NCKAP5: variants seen among roughly 807,000 people sequenced by gnomAD.
The protein encoded by NCKAP5 is nck-associated protein 5.
In NCKAP5, 92 loss-of-function variants were observed where a neutral mutation model predicts 167.0. That is an observed-to-expected ratio of 0.55 (90% CI 0.47 to 0.66). NCKAP5 has a LOEUF of 0.66. NCKAP5 is among the 30% of genes least tolerant of loss of function. The pLI, the probability that NCKAP5 is intolerant of heterozygous loss-of-function variation, is 0.00. For synonymous variants in NCKAP5, 891 were observed against 877.4 expected (o/e 1.02, Z -0.27); for missense variants, 2,378 against 2,315.0 (o/e 1.03, Z -0.56).
chr2:133,453,905 A>G (rs1246304340), intron 3 of NCKAP5, among the ~76,000 whole-genome samples: 1 of 152,000 alleles, frequency 6.6e-6, no homozygotes, highest in South Asian at 2.1e-4. Context: ...TCCAGTTTTG[A>G]GCCCCCCCAC....
At chr2:133,622,900 T>C in the NCKAP5 span, among the ~76,000 whole-genome samples, 1 of 152,110 alleles carries the variant, frequency 6.6e-6, no homozygotes, top group Admixed American at 6.6e-5. Flanking sequence ...CAACTTCAAC[T>C]ATACTATAAG....
chr2:133,480,931 C>T (rs937615975), intron 3 of NCKAP5, among the ~76,000 whole-genome samples: 7 of 152,184 alleles, frequency 4.6e-5, no homozygotes, highest in South Asian at 2.1e-4. Context: ...CTGCTATTGA[C>T]CTATCCTCTA....
At chr2:133,628,864 C>T in the NCKAP5 span, among the ~76,000 whole-genome samples, 1 of 152,072 alleles carries the variant, frequency 6.6e-6, no homozygotes. Flanking sequence ...TTCAACAAAC[C>T]TGACAAAAAC....
chr2:132,806,570 T>G, intron 11 of NCKAP5, among the ~76,000 whole-genome samples: 1 of 152,210 alleles, frequency 6.6e-6, no homozygotes, highest in Non-Finnish European at 1.5e-5. Flanking sequence ...TATATTTTCT[T>G]TTGAGAATTG....
At chr2:132,983,614 T>C (rs540456998) in intron 7 of NCKAP5, among the ~76,000 whole-genome samples, 6 of 152,340 alleles carry the variant, frequency 3.9e-5, no homozygotes, top group South Asian at 4.1e-4. Flanking sequence ...TTCTTCCCTA[T>C]GTTAATCTAG....
the NCKAP5 span, among the ~76,000 whole-genome samples, chr2:133,594,152 G>T: frequency 6.6e-6 from 1 of 152,258 alleles, no homozygotes; most frequent in East Asian, 1.9e-4. Context: ...CAATGAAAGT[G>T]ATGAATTCAG....
At chr2:133,067,290 G>C (rs1049742065) in intron 6 of NCKAP5, among the ~76,000 whole-genome samples, 1 of 152,190 alleles carries the variant, frequency 6.6e-6, no homozygotes, top group Non-Finnish European at 1.5e-5. Context: ...ATTTTCAAAA[G>C]CTTATAAGAT....
chr2:132,915,556 G>A (rs765571366), intron 8 of NCKAP5: 4 of 152,124 alleles, frequency 2.6e-5, no homozygotes, highest in Non-Finnish European at 5.9e-5. Context: ...TGTAAACACA[G>A]AATACAGCCC....
chr2:133,153,577 A>T (rs1300550448), intron 5 of NCKAP5, among the ~76,000 whole-genome samples: 1 of 152,072 alleles, frequency 6.6e-6, no homozygotes. Context: ...AAAGCCCTTA[A>T]TTTTCCCCTT....
At chr2:133,550,624 A>G (rs1445578274) in intron 2 of NCKAP5, among the ~76,000 whole-genome samples, 1 of 107,618 alleles carries the variant, frequency 9.3e-6, no homozygotes, top group Admixed American at 1.0e-4. Flanking sequence ...ATCTATGACA[A>G]ACCCACAGCC....
intron 3 of NCKAP5, among the ~76,000 whole-genome samples, chr2:133,515,287 T>A (rs1396284951): frequency 1.3e-5 from 2 of 152,208 alleles, no homozygotes; most frequent in Non-Finnish European, 2.9e-5. Context: ...GAGAACATAA[T>A]ACTATAACCG....
At chr2:133,027,382 G>C (rs1185393587) in intron 6 of NCKAP5, among the ~76,000 whole-genome samples, 2 of 152,150 alleles carry the variant, frequency 1.3e-5, no homozygotes, top group Non-Finnish European at 2.9e-5. Flanking sequence ...CCCATTTTAA[G>C]TGCTTTGCAT....
chr2:133,598,207 T>A, the NCKAP5 span, among the ~76,000 whole-genome samples: 1 of 152,212 alleles, frequency 6.6e-6, no homozygotes, highest in Non-Finnish European at 1.5e-5. Context: ...AGTTAATATT[T>A]GCAAAGAACG....
At position 133,536,649 on chromosome 2, in the gene NCKAP5, T is replaced by C. The variant is rs576293793; in HGVS notation, c.-61-19062A>G. On this transcript the variant is annotated intron_variant, in intron 2 of 19. Transcript: ENST00000409261. ...CAATTCAGATTTTTGTCCATTTTAA[T>C]TGGGTGATTTGGTTTTTATTATTGA... Among the ~76,000 whole-genome samples, 3 of 152,190 alleles carry C rather than the reference T, an allele frequency of 2.0e-5. No individual in the cohort carries two copies. The South Asian group carries it at 6.2e-4, about 32-fold the overall frequency.
chr2:133,546,493 T>C (rs980404712), intron 2 of NCKAP5, among the ~76,000 whole-genome samples: 3 of 152,130 alleles, frequency 2.0e-5, no homozygotes, highest in African/African-American at 7.2e-5. Context: ...AGCTGCGCTA[T>C]AGAGTTTCAA....
intron 4 of NCKAP5, among the ~76,000 whole-genome samples, chr2:133,218,212 AT>A (rs1287535005): frequency 2.6e-5 from 4 of 152,314 alleles, no homozygotes; most frequent in Middle Eastern, 3.4e-3. Flanking sequence ...TAAGTAAAAC[AT>A]TTTTATTAAA....
intron 9 of NCKAP5, among the ~76,000 whole-genome samples, chr2:132,878,404 A>G (rs999133151): frequency 6.6e-6 from 1 of 150,774 alleles, no homozygotes; most frequent in Non-Finnish European, 1.5e-5. Context: ...ATCCCCACCC[A>G]CTCTATCAAG....
chr2:133,213,866 C>A, intron 4 of NCKAP5, 87 bp from the exon 5 acceptor site: 7 of 1,293,436 alleles, frequency 5.4e-6, no homozygotes, highest in Non-Finnish European at 7.8e-6. Context: ...TTTGAGGTCT[C>A]TAGAGGAATT....
chr2:132,986,768 G>T (rs543297825), intron 7 of NCKAP5, among the ~76,000 whole-genome samples: 1 of 152,204 alleles, frequency 6.6e-6, no homozygotes, highest in South Asian at 2.1e-4. Context: ...TTTGCTTAAA[G>T]TATACTTAAA....
Sources: gnomAD v4.1 joint callset for allele counts (sites outside exome capture counted in the v4.1 genomes callset) on GRCh38, gnomAD v4.1.1 for gene constraint, MANE v1.5 for transcripts, NCBI Gene and HGNC (gene_info 2026-07-23, HGNC 2026-07-21) for gene names.